Variants in SI observed in about 807,000 individuals in gnomAD.
SI encodes sucrase-isomaltase, intestinal.
In SI, 235 loss-of-function variants were observed where a neutral mutation model predicts 253.3. The observed-to-expected ratio is 0.93, with a 90% CI of 0.83 to 1.03. The LOEUF (loss-of-function observed/expected upper bound fraction) is 1.03, where lower values mean the gene tolerates loss of function less well. Among genes scored for constraint, SI ranks in the 50% least tolerant of loss-of-function variants. The pLI is 0.00. For missense variants in SI, 2,442 were observed against 2,211.1 expected (o/e 1.10, Z -2.09); for synonymous variants, 819 against 712.0 (o/e 1.15, Z -2.39).
At chr3:165,024,021 C>T (rs545316951) in intron 25 of SI, among the ~76,000 whole-genome samples, 1 of 151,518 alleles carries the variant, frequency 6.6e-6, no homozygotes, top group South Asian at 2.1e-4. Context: ...GATCAAATGT[C>T]ATACATTTTT....
rs201820421 is a variant in SI at position 165,067,499 on chromosome 3, G to C, written c.484-8C>G. 173 of 1,602,770 alleles carry C rather than the reference G, an allele frequency of 1.1e-4. 1 individual carries two copies. In the African/African-American group the frequency reaches 2.0e-3, roughly 19 times the overall value. Reference sequence around the variant, plus strand: ...ATTATTTGGATCAGTAATCTGGAAAGATTTAAGCAAGGTAGCATTACTGGA... The same window carrying C: ...ATTATTTGGATCAGTAATCTGGAAACATTTAAGCAAGGTAGCATTACTGGA... On this transcript the variant is annotated splice_region_variant and splice_polypyrimidine_tract_variant and intron_variant, in intron 5 of 47. Coordinates refer to ENST00000264382, the MANE Select transcript of SI (RefSeq NM_001041.4).
Position 165,023,552 on chromosome 3 carries a change from A to C in SI, c.3099+18T>G, listed in dbSNP as rs1318898971. 2 of 1,555,986 alleles carry C rather than the reference A, an allele frequency of 1.3e-6. No homozygotes were observed. The highest frequency in any genetic ancestry group is 1.8e-6 in the Non-Finnish European group (2 of 1,128,270). ...CACAAGATGAGTTAAGCTTTGGGGT[A>C]GTTTATATCAAGCATACCTTAAACT... On this transcript the variant is annotated intron_variant, in intron 26 of 47. Coordinates refer to ENST00000264382, the MANE Select transcript of SI (RefSeq NM_001041.4).
intron 37 of SI, among the ~76,000 whole-genome samples, chr3:165,002,071 A>AT (rs1217484730): frequency 6.6e-6 from 1 of 151,606 alleles, no homozygotes; most frequent in Non-Finnish European, 1.5e-5. Flanking sequence ...AAGATGTTTA[A>AT]TTTTCTAAGT....
At chr3:164,984,547 T>A (rs548284406) in intron 45 of SI, among the ~76,000 whole-genome samples, 1 of 152,156 alleles carries the variant, frequency 6.6e-6, no homozygotes, top group East Asian at 1.9e-4. Context: ...AAGATATGGG[T>A]AGCTTTGTTG....
At chr3:165,028,315 C>T (rs888672748) in intron 25 of SI, among the ~76,000 whole-genome samples, 5 of 151,336 alleles carry the variant, frequency 3.3e-5, no homozygotes, top group Admixed American at 2.0e-4. Flanking sequence ...GGAAACACAT[C>T]CCATGCTCAT....
intron 34 of SI, among the ~76,000 whole-genome samples, chr3:165,012,460 G>T (rs747590233): frequency 3.3e-5 from 5 of 151,946 alleles, no homozygotes; most frequent in African/African-American, 1.2e-4. Flanking sequence ...ATGGAGTCTC[G>T]CTCTGTCACC....
rs750426812 is a variant in SI, at chr3:165,037,971, G to A, written c.2355C>T (p.Asp785=). The A allele has an allele frequency of 6.2e-7, 1 of 1,611,016 alleles. No individual in the cohort carries two copies. ...CTCCTCTAAGATGTAATCCTATTTT[G>A]TCTGCTGGAAGATACATATCAACCC... The part of the protein sequence containing the change: ...KQRVDMYLPA[D]KIGLHLRGGY... The change falls in exon 21 of 48, where the codon GAC becomes GAT. Residue 785 remains aspartate, a synonymous_variant. Coordinates refer to ENST00000264382, the MANE Select transcript of SI (RefSeq NM_001041.4).
At chr3:164,998,393 A>G in intron 38 of SI, 147 bp downstream of exon 38, 1 of 775,530 alleles carries the variant, frequency 1.3e-6, no homozygotes, top group South Asian at 1.5e-5. Context: ...TTCCTGGCCC[A>G]CTGTCTTTTT....
In SI at chr3:165,043,092, T is replaced by C; in HGVS notation, c.1971A>G (p.Pro657=). ...CGTCAGAATTATGGTTTCTGGAAAA[T>C]GGATAAAATGCCCCAAGTTGCATCC... The part of the protein sequence containing the change: ...RRWMQLGAFY[P]FSRNHNSDGY... The change falls in exon 17 of 48, where the codon CCA becomes CCG. Residue 657 remains proline (P), a synonymous_variant. Transcript: ENST00000264382. 1.9e-6 allele frequency: 3 copies of C among 1,612,086 alleles called. No individual in the cohort carries two copies. Among genetic ancestry groups the C allele is most frequent in the East Asian group, 4.5e-5 (2 of 44,724 alleles).
Position 164,982,892 on chromosome 3 carries a change from C to G in SI, c.5247+110G>C, listed in dbSNP as rs534547211. 4 of 1,045,138 alleles carry G rather than the reference C, an allele frequency of 3.8e-6. No individual in the cohort carries two copies. In the Admixed American group the frequency reaches 9.0e-5, roughly 23 times the overall value. 64.7% of individuals were successfully genotyped at this position (1,045,138 alleles called of 1,614,324 possible). A position where few individuals can be genotyped will look rare whatever the true frequency, so the allele number is the denominator to read the frequency against. ...TCTTGAACCCCTGGCCTCAAGCAATCCTCCCATGTCAGCCTCCCAATGAAC... is the reference window on the plus strand; with the variant it reads ...TCTTGAACCCCTGGCCTCAAGCAATGCTCCCATGTCAGCCTCCCAATGAAC... On this transcript the variant is annotated intron_variant, in intron 46 of 47. Coordinates refer to ENST00000264382, the MANE Select transcript of SI (RefSeq NM_001041.4).
At chr3:164,994,193 A>G (rs1202103779) in intron 41 of SI, 64 bp downstream of exon 41, 97 of 1,426,562 alleles carry the variant, frequency 6.8e-5, no homozygotes, top group Non-Finnish European at 8.7e-5. Flanking sequence ...ACTATAAGAG[A>G]TCATTGGGTA....
At chr3:165,001,533 T>C (rs1253730439) in intron 37 of SI, among the ~76,000 whole-genome samples, 9 of 151,474 alleles carry the variant, frequency 5.9e-5, no homozygotes, top group Admixed American at 5.3e-4. Flanking sequence ...AAATTTGAAA[T>C]TTCCTTTAGC....
In SI at chr3:165,047,006, T is replaced by C; in HGVS notation, c.1722A>G (p.Val574=). The C allele has an allele frequency of 6.2e-7, 1 of 1,601,314 alleles. No individual in the cohort carries two copies. The highest frequency in any genetic ancestry group is 8.5e-7 in the Non-Finnish European group (1 of 1,172,180). Residue 574 remains valine, a synonymous_variant, in exon 16 of 48, where the codon GTA becomes GTG. Transcript: ENST00000264382. The part of the protein sequence containing the change: ...YSMAIATEQA[V]QKVFPNKRSF... ...TTCTCTTATTAGGAAAAACTTTTTG[T>C]ACAGCTCTAAAAATAAAACCAAATT...
intron 28 of SI, 42 bp from the exon 29 acceptor site, chr3:165,018,108 T>C: frequency 1.8e-6 from 2 of 1,092,670 alleles, no homozygotes; most frequent in South Asian, 1.2e-5. Context: ...TAAGTAACAA[T>C]AGCATGTGAA....
At chr3:164,982,759 G>A (rs1449851453) in intron 46 of SI, among the ~76,000 whole-genome samples, 1 of 152,050 alleles carries the variant, frequency 6.6e-6, no homozygotes, top group Non-Finnish European at 1.5e-5. Flanking sequence ...CTAGATTCCA[G>A]TGACCCTCTA....
chr3:165,090,193 T>C, the SI span, among the ~76,000 whole-genome samples: 1 of 151,090 alleles, frequency 6.6e-6, no homozygotes, highest in Non-Finnish European at 1.5e-5. Context: ...CCCCCCGCAT[T>C]GTCTCTGCCA....
rs1560015751 is a variant in SI, at chr3:165,065,466, T to C, written c.636-34A>G. ...TAAAAGAAATAAAGAAATAATCTAA[T>C]ATATATATATATATATATATATATA... On this transcript the variant is annotated intron_variant, in intron 6 of 47. Coordinates refer to ENST00000264382, the MANE Select transcript of SI (RefSeq NM_001041.4). 9 of 161,638 alleles carry C rather than the reference T, an allele frequency of 5.6e-5. No homozygotes were observed. The South Asian group carries it at 1.4e-3, about 25-fold the overall frequency. The allele number at this position is 161,638 out of a possible 1,614,324, so 10.0% of individuals were successfully genotyped here. A position where few individuals can be genotyped will look rare whatever the true frequency, so the allele number is the denominator to read the frequency against.
the SI span, among the ~76,000 whole-genome samples, chr3:165,088,441 G>C: frequency 6.6e-6 from 1 of 151,904 alleles, no homozygotes; most frequent in African/African-American, 2.4e-5. Flanking sequence ...TCAGGAGTTC[G>C]AGACCAGCCT....
intron 16 of SI, 83 bp downstream of exon 16, chr3:165,046,758 A>G: frequency 6.8e-6 from 8 of 1,177,804 alleles, no homozygotes; most frequent in Non-Finnish European, 9.9e-6. Context: ...CCTTTTGATC[A>G]TTTTACTAAA....
Sources: gnomAD v4.1 joint callset for allele counts (sites outside exome capture counted in the v4.1 genomes callset) on GRCh38, gnomAD v4.1.1 for gene constraint, MANE v1.5 for transcripts, NCBI Gene and HGNC (gene_info 2026-07-23, HGNC 2026-07-21) for gene names.